The following AKAP6 variants were observed in gnomAD, a reference collection of about 807,000 sequenced individuals.
AKAP6 encodes A-kinase anchor protein 6.
In AKAP6, 58 loss-of-function variants were observed where a neutral mutation model predicts 188.5. The ratio of observed to expected loss-of-function variants is 0.31; its 90% CI spans 0.25 to 0.38. AKAP6 has a LOEUF of 0.38. Ranked by LOEUF, AKAP6 falls within the 10% of genes least tolerant of loss-of-function variation. The pLI is 1.00. For missense variants in AKAP6, 2,710 were observed against 2,740.0 expected (o/e 0.99, Z 0.24); for synonymous variants, 989 against 998.6 (o/e 0.99, Z 0.18).
intron 7 of AKAP6, among the ~76,000 whole-genome samples, chr14:32,671,994 T>A (rs1012836701): frequency 6.6e-6 from 1 of 152,138 alleles, no homozygotes; most frequent in Non-Finnish European, 1.5e-5. Flanking sequence ...TTGATTAGAT[T>A]GACTGAAATT....
intron 1 of AKAP6, among the ~76,000 whole-genome samples, chr14:32,404,570 C>G (rs1889210523): frequency 6.6e-6 from 1 of 150,732 alleles, no homozygotes; most frequent in Non-Finnish European, 1.5e-5. Flanking sequence ...TCAACTGCTC[C>G]ATTTCCATGA....
intron 7 of AKAP6, among the ~76,000 whole-genome samples, chr14:32,635,234 C>T (rs1251042701): frequency 6.6e-6 from 1 of 151,898 alleles, no homozygotes; most frequent in Non-Finnish European, 1.5e-5. Flanking sequence ...GGAATAGGAG[C>T]AAGGAAAAGC....
intron 11 of AKAP6, among the ~76,000 whole-genome samples, chr14:32,738,391 G>A (rs186559918): frequency 1.3e-5 from 2 of 152,294 alleles, no homozygotes; most frequent in South Asian, 2.1e-4. Context: ...AGTCGAGGAA[G>A]AGCAAGTTTA....
chr14:32,394,347 C>T (rs1002847254), intron 1 of AKAP6, among the ~76,000 whole-genome samples: 2 of 152,030 alleles, frequency 1.3e-5, no homozygotes, highest in South Asian at 4.2e-4. Flanking sequence ...TTTAAGATTC[C>T]AAAGGAGCCT....
chr14:32,641,255 G>A lies in AKAP6; in HGVS notation c.2731-37056G>A, dbSNP rs180786144. Among the ~76,000 whole-genome samples the A allele has an allele frequency of 3.2e-4, 48 of 151,886 alleles. 1 individual carries two copies. The East Asian group carries it at 9.1e-3, about 29-fold the overall frequency. ...GTAGAACTGAAAGCAAAAGAAGAAT[G>A]CAAATTATATAAATGGAAGAAGTGG... On this transcript the variant is annotated intron_variant, in intron 7 of 13. Coordinates refer to ENST00000280979, the MANE Select transcript of AKAP6 (RefSeq NM_004274.5).
intron 7 of AKAP6, among the ~76,000 whole-genome samples, chr14:32,605,304 T>G (rs1281062042): frequency 6.6e-6 from 1 of 152,088 alleles, no homozygotes; most frequent in African/African-American, 2.4e-5. Flanking sequence ...TTGTTTTAAA[T>G]GAAAGGTAGA....
chr14:32,705,663 G>A (rs1242205174), intron 9 of AKAP6, among the ~76,000 whole-genome samples: 1 of 152,042 alleles, frequency 6.6e-6, no homozygotes, highest in African/African-American at 2.4e-5. Context: ...GCCTAAAAAG[G>A]CACAGAACTT....
At chr14:32,387,467 AT>A (rs1267971567) in intron 1 of AKAP6, among the ~76,000 whole-genome samples, 6 of 147,560 alleles carry the variant, frequency 4.1e-5, no homozygotes, top group African/African-American at 1.2e-4. Flanking sequence ...TATATTTATC[AT>A]TTTTTATTTT....
chr14:32,567,164 T>C (rs1001310230), intron 4 of AKAP6, among the ~76,000 whole-genome samples: 1 of 152,112 alleles, frequency 6.6e-6, no homozygotes, highest in African/African-American at 2.4e-5. Context: ...CAAATGATCC[T>C]CCTGCTTTGG....
At position 32,829,908 on chromosome 14, in the gene AKAP6, C is replaced by A. The variant is rs1218450661; in HGVS notation, c.*103C>A. 1 of 702,752 alleles carries A rather than the reference C, an allele frequency of 1.4e-6. No individual in the cohort carries two copies. The highest frequency in any genetic ancestry group is 2.6e-6 in the Non-Finnish European group (1 of 384,794). The allele number at this position is 702,752 out of a possible 1,614,324, so 43.5% of individuals were successfully genotyped here. A position where few individuals can be genotyped will look rare whatever the true frequency, so the allele number is the denominator to read the frequency against. On this transcript the variant is annotated 3_prime_UTR_variant, in exon 14 of 14. Coordinates refer to ENST00000280979, the MANE Select transcript of AKAP6 (RefSeq NM_004274.5). ...TCCCGCCCTGGGCTGGCCTCTGGTT[C>A]CATCACGTTTGTCACTGCCGTTTAT...
At chr14:32,587,420 G>A (rs1885302480) in intron 5 of AKAP6, among the ~76,000 whole-genome samples, 1 of 152,114 alleles carries the variant, frequency 6.6e-6, no homozygotes, top group Non-Finnish European at 1.5e-5. Context: ...TTTCTACTAG[G>A]GGGCAAAAGC....
At chr14:32,690,616 G>C (rs1890137777) in intron 8 of AKAP6, among the ~76,000 whole-genome samples, 1 of 152,036 alleles carries the variant, frequency 6.6e-6, no homozygotes, top group South Asian at 2.1e-4. Flanking sequence ...GAAATACTTA[G>C]AGCAATTACC....
intron 4 of AKAP6, among the ~76,000 whole-genome samples, chr14:32,566,527 C>T (rs1183541745): frequency 6.6e-6 from 1 of 152,058 alleles, no homozygotes; most frequent in East Asian, 1.9e-4. Context: ...AGAGAAGAAT[C>T]TGGGTTATGT....
intron 1 of AKAP6, among the ~76,000 whole-genome samples, chr14:32,365,678 C>T (rs923372226): frequency 6.6e-6 from 1 of 152,162 alleles, no homozygotes; most frequent in African/African-American, 2.4e-5. Context: ...CCAGGCCATC[C>T]TCCTGGTCAA....
At chr14:32,829,395 G>A (rs2034765203) in intron 13 of AKAP6, among the ~76,000 whole-genome samples, 1 of 152,180 alleles carries the variant, frequency 6.6e-6, no homozygotes, top group Admixed American at 6.5e-5. Context: ...AATCACTGCA[G>A]GAAGGGTTAA....
At chr14:32,492,284 C>G (rs1880056857) in intron 2 of AKAP6, among the ~76,000 whole-genome samples, 1 of 148,292 alleles carries the variant, frequency 6.7e-6, no homozygotes, top group Non-Finnish European at 1.5e-5. Flanking sequence ...CCTCTTTTTC[C>G]TGTTCTCTTG....
At chr14:32,661,029 A>G (rs188752734) in intron 7 of AKAP6, among the ~76,000 whole-genome samples, 269 of 141,594 alleles carry the variant, frequency 1.9e-3, no homozygotes, top group African/African-American at 6.8e-3. Flanking sequence ...TGACCTCTCT[A>G]TCTTTCAAGA....
At chr14:32,716,167 T>C (rs1213286272) in intron 9 of AKAP6, among the ~76,000 whole-genome samples, 1 of 151,946 alleles carries the variant, frequency 6.6e-6, no homozygotes, top group Non-Finnish European at 1.5e-5. Flanking sequence ...CAATAGCCTT[T>C]TATCTCATTG....
chr14:32,635,355 T>A (rs986211548), intron 7 of AKAP6, among the ~76,000 whole-genome samples: 2 of 152,096 alleles, frequency 1.3e-5, no homozygotes, highest in African/African-American at 4.8e-5. Context: ...CTACATAAGT[T>A]ATGGACAAAA....
Sources: allele counts gnomAD v4.1 joint callset (sites outside exome capture counted in the v4.1 genomes callset), GRCh38; gene constraint gnomAD v4.1.1; transcripts MANE v1.5; gene names NCBI Gene and HGNC (gene_info 2026-07-23, HGNC 2026-07-21).